Variants in TTC39C observed in about 807,000 individuals in gnomAD.
The protein encoded by TTC39C is tetratricopeptide repeat domain 39C.
A neutral mutation model predicts 76.3 loss-of-function variants in TTC39C; 33 were observed. The observed-to-expected ratio is 0.43, with a 90% confidence interval of 0.33 to 0.58. The LOEUF is 0.58. Among genes scored for constraint, TTC39C ranks in the 20% least tolerant of loss-of-function variants. The pLI, the probability that TTC39C is intolerant of heterozygous loss-of-function variation, is 0.04. For synonymous variants in TTC39C, 254 were observed against 260.6 expected, an observed-to-expected ratio of 0.97 and a Z score of 0.24; for missense variants, 595 against 701.4, an observed-to-expected ratio of 0.85 and a Z score of 1.71.
chr18:24,058,002 C>A (rs9944758), intron 1 of TTC39C, among the ~76,000 whole-genome samples: 75,782 of 152,062 alleles, frequency 0.5, 19,772 homozygotes, highest in Non-Finnish European at 0.59. Flanking sequence ...GAGATCATGT[C>A]CTTTGCAGGA....
At chr18:24,097,500 T>C (rs1385354689) in intron 6 of TTC39C, among the ~76,000 whole-genome samples, 1 of 152,224 alleles carries the variant, frequency 6.6e-6, no homozygotes, top group African/African-American at 2.4e-5. Flanking sequence ...TTGGCACCCA[T>C]CAAGTGAAAC....
chr18:24,104,670 G>A (rs896175346), intron 6 of TTC39C, among the ~76,000 whole-genome samples: 7 of 150,112 alleles, frequency 4.7e-5, no homozygotes, highest in African/African-American at 7.4e-5. Flanking sequence ...AGTGCCCAGC[G>A]CTTAGGGAGC....
At chr18:24,113,307 G>C in intron 6 of TTC39C, 2 of 472,410 alleles carry the variant, frequency 4.2e-6, no homozygotes, top group South Asian at 5.7e-5. Context: ...AAGATCACCT[G>C]CTGACTCATT....
At chr18:24,089,524 T>C (rs2084491887) in intron 6 of TTC39C, among the ~76,000 whole-genome samples, 1 of 152,190 alleles carries the variant, frequency 6.6e-6, no homozygotes, top group Non-Finnish European at 1.5e-5. Flanking sequence ...TATTTGTATC[T>C]CACTTTCCAG....
intron 1 of TTC39C, among the ~76,000 whole-genome samples, chr18:24,019,330 A>G (rs988495930): frequency 6.6e-6 from 1 of 152,226 alleles, no homozygotes; most frequent in Non-Finnish European, 1.5e-5. Flanking sequence ...CTGGCTGTAG[A>G]TATTTTAAAG....
rs546335671 is a variant in TTC39C, at chr18:24,075,237, C to T, written c.461-5348C>T. On this transcript the variant is annotated intron_variant, in intron 4 of 13. Coordinates refer to ENST00000317571, the MANE Select transcript of TTC39C (RefSeq NM_001135993.2). ...ATGGGTGCAGCACACCAACATGGCACATGTATACATACGTAACAAACCTGC... is the reference window on the plus strand; with the variant it reads ...ATGGGTGCAGCACACCAACATGGCATATGTATACATACGTAACAAACCTGC... Among the ~76,000 whole-genome samples the T allele has an allele frequency of 4.6e-5, 7 of 151,744 alleles. No homozygotes were observed. In the South Asian group the frequency reaches 1.5e-3, roughly 32 times the overall value.
At chr18:24,025,120 C>T (rs969362822) in intron 1 of TTC39C, among the ~76,000 whole-genome samples, 6 of 152,134 alleles carry the variant, frequency 3.9e-5, no homozygotes, top group Admixed American at 1.3e-4. Context: ...CTGACCGTCT[C>T]GGCCTCTAAA....
intron 5 of TTC39C, among the ~76,000 whole-genome samples, chr18:24,082,189 C>T (rs982231568): frequency 6.6e-6 from 1 of 151,494 alleles, no homozygotes; most frequent in Non-Finnish European, 1.5e-5. Context: ...TTTTGTTTAC[C>T]TAGTTTAACA....
chr18:24,017,267 G>T (rs530932933), intron 1 of TTC39C, among the ~76,000 whole-genome samples: 1 of 152,158 alleles, frequency 6.6e-6, no homozygotes, highest in Non-Finnish European at 1.5e-5. Context: ...TGGAAAGCAC[G>T]GTTGCATACA....
chr18:24,016,540 G>C (rs900246033), intron 1 of TTC39C: 3 of 395,364 alleles, frequency 7.6e-6, no homozygotes, highest in African/African-American at 4.1e-5. Context: ...TTGCTTTGAA[G>C]TCTCCTGTGA....
chr18:24,020,788 G>A (rs886413957), intron 1 of TTC39C, among the ~76,000 whole-genome samples: 3 of 152,110 alleles, frequency 2.0e-5, no homozygotes, highest in African/African-American at 4.8e-5. Flanking sequence ...TGGAATTCGC[G>A]GATACTGAGG....
At chr18:24,010,058 T>A (rs1395934601), upstream of TTC39C, among the ~76,000 whole-genome samples, 2 of 152,228 alleles carry the variant, frequency 1.3e-5, no homozygotes, top group East Asian at 3.8e-4. Context: ...GTATGGTTTG[T>A]TAAAAGAAAG....
At chr18:24,021,980 C>T (rs921354753) in intron 1 of TTC39C, among the ~76,000 whole-genome samples, 2 of 152,350 alleles carry the variant, frequency 1.3e-5, no homozygotes, top group Middle Eastern at 3.4e-3. Flanking sequence ...CTACCTCAAA[C>T]AGAGTCACTT....
intron 6 of TTC39C, among the ~76,000 whole-genome samples, chr18:24,098,791 C>A (rs1362566195): frequency 6.6e-6 from 1 of 151,602 alleles, no homozygotes; most frequent in Non-Finnish European, 1.5e-5. Context: ...AACACCACAC[C>A]TGGCTAATTT....
intron 4 of TTC39C, among the ~76,000 whole-genome samples, chr18:24,073,543 T>C (rs1158174471): frequency 6.8e-6 from 1 of 147,676 alleles, no homozygotes; most frequent in African/African-American, 2.4e-5. Context: ...TTTTTTTTTT[T>C]AAGAGGCAAG....
intron 6 of TTC39C, among the ~76,000 whole-genome samples, chr18:24,107,777 A>G (rs1363450164): frequency 6.6e-6 from 1 of 152,202 alleles, no homozygotes; most frequent in Admixed American, 6.5e-5. Context: ...TTTGTTTTTG[A>G]GACAGGGTCT....
intron 1 of TTC39C, among the ~76,000 whole-genome samples, chr18:24,028,024 A>G (rs2083619427): frequency 6.6e-6 from 1 of 152,208 alleles, no homozygotes; most frequent in South Asian, 2.1e-4. Context: ...GCTGTCAACC[A>G]CGTGGATCCC....
At chr18:24,075,054 G>C (rs1395307195) in intron 4 of TTC39C, among the ~76,000 whole-genome samples, 1 of 150,714 alleles carries the variant, frequency 6.6e-6, no homozygotes, top group Non-Finnish European at 1.5e-5. Flanking sequence ...TGTAAGGACA[G>C]AAAACTAAAC....
chr18:24,122,836 G>A (rs767666856), intron 8 of TTC39C, among the ~76,000 whole-genome samples: 6 of 152,178 alleles, frequency 3.9e-5, no homozygotes, highest in Non-Finnish European at 7.3e-5. Flanking sequence ...TCCTTACAGC[G>A]TCTGGTCACT....
Sources: allele counts gnomAD v4.1 joint callset (sites outside exome capture counted in the v4.1 genomes callset), GRCh38; gene constraint gnomAD v4.1.1; transcripts MANE v1.5; gene names NCBI Gene and HGNC (gene_info 2026-07-23, HGNC 2026-07-21).